The following HIVEP3 variants were observed in gnomAD, a reference collection of about 807,000 sequenced individuals.
HIVEP3 encodes transcription factor HIVEP3.
Under a neutral mutation model 152.8 loss-of-function variants are expected in HIVEP3, and 49 were observed. The observed-to-expected ratio is 0.32, with a 90% CI of 0.26 to 0.41. The LOEUF (loss-of-function observed/expected upper bound fraction) is 0.41. HIVEP3 is among the 10% of genes least tolerant of loss of function. The pLI is 1.00. For synonymous variants in HIVEP3, 1,269 were observed against 1,289.0 expected, an observed-to-expected ratio of 0.98 and a Z score of 0.33; for missense variants, 2,790 against 3,103.3, an observed-to-expected ratio of 0.90 and a Z score of 2.40.
chr1:41,547,264 A>C (rs1282718959), intron 5 of HIVEP3, among the ~76,000 whole-genome samples: 1 of 152,194 alleles, frequency 6.6e-6, no homozygotes, highest in Non-Finnish European at 1.5e-5. Context: ...GGCTCAAAAG[A>C]TGGCCAGCAG....
chr1:41,819,139 T>A (rs1256072979), intron 1 of HIVEP3, among the ~76,000 whole-genome samples: 1 of 152,222 alleles, frequency 6.6e-6, no homozygotes, highest in Non-Finnish European at 1.5e-5. Context: ...CCCTTTTTTT[T>A]GTTTATTTGC....
chr1:41,701,716 A>G (rs1646365924), intron 1 of HIVEP3, among the ~76,000 whole-genome samples: 1 of 152,254 alleles, frequency 6.6e-6, no homozygotes, highest in Non-Finnish European at 1.5e-5. Flanking sequence ...AAAAGTTACA[A>G]TGAACTAATG....
intron 2 of HIVEP3, among the ~76,000 whole-genome samples, chr1:41,655,185 T>C (rs988056877): frequency 5.9e-5 from 9 of 151,988 alleles, no homozygotes; most frequent in African/African-American, 1.9e-4. Context: ...ACGTGCCCCA[T>C]AGAGAAAGGA....
At chr1:41,681,058 A>G (rs1646030643) in intron 2 of HIVEP3, among the ~76,000 whole-genome samples, 1 of 151,874 alleles carries the variant, frequency 6.6e-6, no homozygotes, top group African/African-American at 2.4e-5. Flanking sequence ...CCTATTCCAA[A>G]GCTCTTATCA....
intron 2 of HIVEP3, among the ~76,000 whole-genome samples, chr1:41,684,667 A>C (rs1646088229): frequency 6.6e-6 from 1 of 152,200 alleles, no homozygotes. Context: ...TAATCTGTAA[A>C]ATGAGATTAC....
intron 1 of HIVEP3, among the ~76,000 whole-genome samples, chr1:41,736,947 C>T (rs1646927838): frequency 6.6e-6 from 1 of 152,188 alleles, no homozygotes; most frequent in Non-Finnish European, 1.5e-5. Flanking sequence ...CCAGGGCTGA[C>T]TCTTCAGGCT....
chr1:41,556,404 G>A (rs761317025), intron 5 of HIVEP3, among the ~76,000 whole-genome samples: 11 of 152,150 alleles, frequency 7.2e-5, no homozygotes, highest in Non-Finnish European at 1.3e-4. Flanking sequence ...TTCATGTGAT[G>A]ATTGGCCATT....
intron 1 of HIVEP3, among the ~76,000 whole-genome samples, chr1:42,007,379 T>C (rs919019903): frequency 6.6e-6 from 1 of 152,210 alleles, no homozygotes; most frequent in Non-Finnish European, 1.5e-5. Flanking sequence ...TTTGGTTTGG[T>C]AGCATGTGGC....
At chr1:41,812,623 G>C (rs1651029731) in intron 1 of HIVEP3, among the ~76,000 whole-genome samples, 1 of 151,880 alleles carries the variant, frequency 6.6e-6, no homozygotes, top group Admixed American at 6.6e-5. Flanking sequence ...CATTTTAAGA[G>C]TGATAGTGAC....
At chr1:41,953,688 G>A (rs576642953) in intron 1 of HIVEP3, among the ~76,000 whole-genome samples, 45 of 152,188 alleles carry the variant, frequency 3.0e-4, no homozygotes, top group African/African-American at 1.1e-3. Context: ...AAATCTTCCC[G>A]ACATACTCTC....
chr1:41,544,738 TCAC>T (rs1407330561), intron 5 of HIVEP3, among the ~76,000 whole-genome samples: 6 of 66,936 alleles, frequency 9.0e-5, no homozygotes, highest in African/African-American at 3.4e-4. Flanking sequence ...ACCGCTACCA[TCAC>T]CACCACTACC....
At chr1:41,655,724 C>T (rs878867570) in intron 2 of HIVEP3, among the ~76,000 whole-genome samples, 2 of 152,190 alleles carry the variant, frequency 1.3e-5, no homozygotes, top group Non-Finnish European at 1.5e-5. Flanking sequence ...TCCCTATTGC[C>T]GTGTTCCTTT....
chr1:41,647,138 G>A (rs1645472599), intron 2 of HIVEP3, among the ~76,000 whole-genome samples: 1 of 152,208 alleles, frequency 6.6e-6, no homozygotes, highest in South Asian at 2.1e-4. Flanking sequence ...CAGCTGATTG[G>A]CAATCTTAAT....
chr1:41,923,425 G>A (rs1644951297), upstream of HIVEP3, among the ~76,000 whole-genome samples: 1 of 152,162 alleles, frequency 6.6e-6, no homozygotes, highest in Non-Finnish European at 1.5e-5. Context: ...TTATAAGTGG[G>A]ATCTTAAAAA....
chr1:41,657,533 G>A (rs902506522), intron 2 of HIVEP3, among the ~76,000 whole-genome samples: 29 of 152,298 alleles, frequency 1.9e-4, no homozygotes, highest in African/African-American at 6.7e-4. Flanking sequence ...TGCCCCCTTT[G>A]GGAGCAGCTG....
At chr1:41,885,563 G>A (rs978077514) in intron 1 of HIVEP3, among the ~76,000 whole-genome samples, 1 of 152,206 alleles carries the variant, frequency 6.6e-6, no homozygotes, top group South Asian at 2.1e-4. Flanking sequence ...CTACGCGGAG[G>A]CTGAGGCATG....
In HIVEP3 at chr1:41,581,505, G is replaced by T. The variant is rs1644408077; in HGVS notation, c.3293C>A (p.Pro1098His). 1 of 1,579,482 alleles carries T rather than the reference G, an allele frequency of 6.3e-7. No individual in the cohort carries two copies. The highest frequency in any genetic ancestry group is 1.3e-5 in the African/African-American group (1 of 74,074). Residue 1098 changes from proline to histidine, a missense_variant, in exon 4 of 9, where the codon CCC becomes CAC. Pro to His is a moderately conservative substitution (Grantham distance 77). Coordinates refer to ENST00000372583, the MANE Select transcript of HIVEP3 (RefSeq NM_024503.5). This position sits in a 1 kb window ranked among gnomAD's most constrained non-coding sequence, Gnocchi z 4.5. ...ISSAATSHGG[P>H]PGGKGPGQDR... is the part of the protein sequence containing the mutation. The stretch of plus-strand genomic sequence containing the variant: ...CTGCCCTGGGCCCTTGCCTCCCGGG[G>T]GTCCACCATGTGAGGTGGCCGCAGA...
At position 41,816,418 on chromosome 1, in the gene HIVEP3, G is replaced by C. The variant is rs192835376; in HGVS notation, c.-801+101995C>G. ...GGCATCTGTTACGGCTGGGTGCAGT[G>C]GCACACTCCTGTAATCCCAGCACTT... is the stretch of plus-strand genomic sequence containing the variant. On this transcript the variant is annotated intron_variant, in intron 1 of 8. Transcript: ENST00000372583. Among the ~76,000 whole-genome samples, 838 of 152,270 alleles carry C rather than the reference G, an allele frequency of 5.5e-3. 9 individuals are homozygous for C. Among genetic ancestry groups the C allele is most frequent in the African/African-American group, 0.02 (813 of 41,548 alleles).
intron 1 of HIVEP3, among the ~76,000 whole-genome samples, chr1:42,004,195 G>T (rs143066080): frequency 6.6e-6 from 1 of 152,314 alleles, no homozygotes; most frequent in Non-Finnish European, 1.5e-5. Context: ...AAATCAGAGA[G>T]CTCAGGAAGA....
Sources: gnomAD v4.1 joint callset for allele counts (sites outside exome capture counted in the v4.1 genomes callset) on GRCh38, gnomAD v4.1.1 for gene constraint, Gnocchi (gnomAD v3.1) non-coding constraint, MANE v1.5 for transcripts, NCBI Gene and HGNC (gene_info 2026-07-23, HGNC 2026-07-21) for gene names.